The following INTS6 variants were observed in gnomAD, a reference collection of about 807,000 sequenced individuals.
INTS6 encodes the protein integrator complex subunit 6, also known as DEAD box protein.
Under a neutral mutation model 104.9 loss-of-function variants are expected in INTS6, and 16 were observed. The ratio of observed to expected loss-of-function variants is 0.15; its 90% CI spans 0.10 to 0.23. The LOEUF is 0.23. Among genes scored for constraint, INTS6 ranks in the 10% least tolerant of loss-of-function variants. INTS6 has a pLI of 1.00. For missense variants in INTS6, 584 were observed against 1,062.8 expected (o/e 0.55, Z 6.26); for synonymous variants, 324 against 358.7 (o/e 0.90, Z 1.09).
intron 4 of INTS6, chr13:51,423,046 T>TA: frequency 7.8e-7 from 1 of 1,279,968 alleles, no homozygotes. Flanking sequence ...TCAAAGATAA[T>TA]ACGTTTTCTA....
the INTS6 span, among the ~76,000 whole-genome samples, chr13:51,345,592 C>CAAAAAAA: frequency 1.9e-4 from 7 of 37,030 alleles, no homozygotes; most frequent in Non-Finnish European, 2.8e-4. Context: ...GATTTCATCT[C>CAAAAAAA]AAAAAAAAAA....
At chr13:51,355,491 C>T (rs1955467694) in intron 3 of INTS6, among the ~76,000 whole-genome samples, 1 of 152,140 alleles carries the variant, frequency 6.6e-6, no homozygotes, top group Admixed American at 6.5e-5. Flanking sequence ...TCCTGCTGTC[C>T]CATCAGCTTC....
In INTS6 at chr13:51,452,331, AC is replaced by A. The variant is rs1415996464; in HGVS notation, c.111+83del. 12 of 1,230,302 alleles carry A rather than the reference AC, an allele frequency of 9.8e-6. No individual in the cohort carries two copies. The highest frequency in any genetic ancestry group is 3.3e-5 in the African/African-American group (2 of 60,900). The allele number at this position is 1,230,302 out of a possible 1,614,324, so 76.2% of individuals were successfully genotyped here. On this transcript the variant is annotated intron_variant, in intron 1 of 17. Transcript: ENST00000311234. This position sits in a 1 kb window ranked among gnomAD's most constrained non-coding sequence, Gnocchi z 4.2. ...CAGCTCCCGCAGTCAGGTCCCCGAC[AC>A]CCCCGCCCCGGCCGCCCTCCCCCAC...
At chr13:51,430,539 A>G (rs1957072361) in intron 3 of INTS6, among the ~76,000 whole-genome samples, 156 bp from the exon 4 acceptor site, 1 of 152,218 alleles carries the variant, frequency 6.6e-6, no homozygotes, top group Admixed American at 6.5e-5. Context: ...AAGATATAGA[A>G]CGACACATAA....
intron 2 of INTS6, 82 bp from the exon 3 acceptor site, chr13:51,451,256 G>T: frequency 8.5e-7 from 1 of 1,177,322 alleles, no homozygotes; most frequent in Non-Finnish European, 1.1e-6. Context: ...CGTTCACCAA[G>T]TAGCAGCTTC....
intron 4 of INTS6, among the ~76,000 whole-genome samples, chr13:51,425,328 T>C (rs1223884755): frequency 2.0e-5 from 3 of 152,028 alleles, no homozygotes; most frequent in Non-Finnish European, 4.4e-5. Context: ...ACCGAATATC[T>C]ATCCCATGAA....
At chr13:51,361,430 G>C (rs1955572954), downstream of INTS6, 2 of 958,994 alleles carry the variant, frequency 2.1e-6, no homozygotes, top group African/African-American at 3.2e-5. Context: ...TTACCTAGTT[G>C]AATCTTCACA....
chr13:51,421,072 G>T (rs1315748865), intron 4 of INTS6: 1 of 893,750 alleles, frequency 1.1e-6, no homozygotes, highest in South Asian at 5.1e-5. Flanking sequence ...CCAACAAATA[G>T]TCATAGCCCC....
intron 4 of INTS6, among the ~76,000 whole-genome samples, chr13:51,406,915 T>A (rs557889202): frequency 6.6e-5 from 10 of 150,824 alleles, no homozygotes; most frequent in South Asian, 2.1e-4. Context: ...TTTTTTTTTT[T>A]AGCTCATCAG....
chr13:51,422,446 G>C (rs9568591), intron 4 of INTS6, among the ~76,000 whole-genome samples: 3,623 of 152,170 alleles, frequency 0.024, 59 homozygotes, highest in South Asian at 0.063. Context: ...CTAGGTTCAG[G>C]GCTCCTGTCA....
At position 51,431,637 on chromosome 13, in the gene INTS6, G is replaced by A. The variant is rs530313680; in HGVS notation, c.340-1254C>T. Among the ~76,000 whole-genome samples, 4 of 152,106 alleles carry A rather than the reference G, an allele frequency of 2.6e-5. No homozygotes were observed. The South Asian group carries it at 6.2e-4, about 24-fold the overall frequency. On this transcript the variant is annotated intron_variant, in intron 3 of 17. Transcript: ENST00000311234. ...GTTATATGATTATAACCTAATCATCGTAAAGTGGGAAGGGGGACATGTAAT... is the reference window on the plus strand; with the variant it reads ...GTTATATGATTATAACCTAATCATCATAAAGTGGGAAGGGGGACATGTAAT...
rs1593653313 is a variant in INTS6, at chr13:51,362,093, T to A, written c.*3659A>T. The A allele has an allele frequency of 4.0e-6, 6 of 1,508,872 alleles. No homozygotes were observed. In the East Asian group the frequency reaches 1.2e-4, roughly 31 times the overall value. 93.5% of individuals were successfully genotyped at this position (1,508,872 alleles called of 1,614,324 possible). On this transcript the variant is annotated 3_prime_UTR_variant, in exon 18 of 18. Coordinates refer to ENST00000311234, the MANE Select transcript of INTS6 (RefSeq NM_012141.3). ...GTACAAAGGAAACTTATCCTCCATG[T>A]TTTTTACCTTCTCATTCTCTCAGCT...
At chr13:51,439,058 G>A (rs187616314) in intron 3 of INTS6, 4 of 152,252 alleles carry the variant, frequency 2.6e-5, no homozygotes, top group South Asian at 2.1e-4. Flanking sequence ...AGGTTCACTC[G>A]CTTTAAGACA....
chr13:51,421,355 A>G, intron 4 of INTS6: 4 of 936,728 alleles, frequency 4.3e-6, no homozygotes, highest in Non-Finnish European at 5.1e-6. Context: ...AAAAAACATC[A>G]AAACCACAAC....
chr13:51,337,003 C>G, the INTS6 span, among the ~76,000 whole-genome samples: 1 of 152,350 alleles, frequency 6.6e-6, no homozygotes, highest in South Asian at 2.1e-4. Context: ...GGAGGCTCAC[C>G]TGCACCATTT....
chr13:51,407,054 A>G (rs1457963458), intron 4 of INTS6, among the ~76,000 whole-genome samples: 1 of 151,290 alleles, frequency 6.6e-6, no homozygotes, highest in African/African-American at 2.4e-5. Flanking sequence ...TCAGTTCTTC[A>G]TTCTCAAAAT....
In INTS6 at chr13:51,374,259, G is replaced by C; in HGVS notation, c.2053C>G (p.Pro685Ala). Residue 685 changes from proline (P) to alanine (A), a missense_variant, in exon 15 of 18, where the codon CCT becomes GCT. Around this residue, in one of 5 missense-constraint regions of INTS6, gnomAD observed 296 missense variants for 437.0 expected, o/e 0.68. Transcript: ENST00000311234. ...NHIGGKGPPA[P>A]TTQAQPDLIK... ...AGATCTGGCTGTGCTTGAGTTGTAG[G>C]TGCAGGTGGTCCTTTTCCCCCAATA... is the stretch of plus-strand genomic sequence containing the variant. 1.9e-6 allele frequency: 3 copies of C among 1,614,090 alleles called. No homozygotes were observed. The highest frequency in any genetic ancestry group is 2.5e-6 in the Non-Finnish European group (3 of 1,179,970).
At chr13:51,391,781 T>C (rs1002083169) in intron 5 of INTS6, among the ~76,000 whole-genome samples, 4 of 152,212 alleles carry the variant, frequency 2.6e-5, no homozygotes, top group African/African-American at 9.7e-5. Context: ...TGGTCAATAG[T>C]CCTTACAGAG....
At chr13:51,426,687 T>C (rs1956991265) in intron 4 of INTS6, among the ~76,000 whole-genome samples, 1 of 152,040 alleles carries the variant, frequency 6.6e-6, no homozygotes, top group African/African-American at 2.4e-5. Context: ...GTTATCCTCA[T>C]TGCCTAGAAA....
Sources: gnomAD v4.1 joint callset for allele counts (sites outside exome capture counted in the v4.1 genomes callset) on GRCh38, gnomAD v4.1.1 for gene constraint, gnomAD v4.1.1 regional missense constraint, Gnocchi (gnomAD v3.1) non-coding constraint, MANE v1.5 for transcripts, NCBI Gene and HGNC (gene_info 2026-07-23, HGNC 2026-07-21) for gene names.